The following CTNNA2 variants were observed in gnomAD, a reference collection of about 807,000 sequenced individuals.
The protein encoded by CTNNA2 is catenin alpha-2.
Under a neutral mutation model 101.0 loss-of-function variants are expected in CTNNA2, and 42 were observed. The ratio of observed to expected loss-of-function variants is 0.42; its 90% CI spans 0.32 to 0.54. The LOEUF is 0.54. CTNNA2 is among the 20% of genes least tolerant of loss of function. The pLI is 0.14. For missense variants in CTNNA2, 871 were observed against 1,223.1 expected, an observed-to-expected ratio of 0.71 and a Z score of 4.29; for synonymous variants, 450 against 456.4, an observed-to-expected ratio of 0.99 and a Z score of 0.18.
At chr2:80,363,036 C>G (rs1185504768) in intron 7 of CTNNA2, among the ~76,000 whole-genome samples, 1 of 148,796 alleles carries the variant, frequency 6.7e-6, no homozygotes, top group Non-Finnish European at 1.5e-5. Flanking sequence ...ACAGTAAATT[C>G]AAGCTGTTCT....
chr2:80,264,507 A>T (rs1672858156), intron 7 of CTNNA2, among the ~76,000 whole-genome samples: 1 of 152,150 alleles, frequency 6.6e-6, no homozygotes, highest in Non-Finnish European at 1.5e-5. Flanking sequence ...TGCATTATTC[A>T]TTGGTGAAAG....
At chr2:80,617,774 C>T (rs368367866) in intron 17 of CTNNA2, among the ~76,000 whole-genome samples, 58 of 151,786 alleles carry the variant, frequency 3.8e-4, no homozygotes, top group East Asian at 1.8e-3. Context: ...GTATTTAGTA[C>T]GCTAAGAATG....
chr2:79,822,342 C>T (rs1678079597), intron 3 of CTNNA2, among the ~76,000 whole-genome samples: 1 of 152,052 alleles, frequency 6.6e-6, no homozygotes, highest in Non-Finnish European at 1.5e-5. Flanking sequence ...TTTGTGCTGC[C>T]AAGTTAGTCC....
intron 4 of CTNNA2, among the ~76,000 whole-genome samples, chr2:79,380,832 C>T (rs1009241062): frequency 6.6e-6 from 1 of 152,128 alleles, no homozygotes; most frequent in Non-Finnish European, 1.5e-5. Context: ...TCTGCTATAA[C>T]ATTGCTGTAA....
chr2:80,545,121 C>T (rs754670636), intron 10 of CTNNA2, 47 bp downstream of exon 10: 3 of 1,567,818 alleles, frequency 1.9e-6, no homozygotes, highest in Admixed American at 3.4e-5. Flanking sequence ...TGACCTTCTC[C>T]ACTCCAGCCC....
chr2:80,307,945 C>G (rs1677184206), intron 7 of CTNNA2, among the ~76,000 whole-genome samples: 1 of 152,104 alleles, frequency 6.6e-6, no homozygotes, highest in Non-Finnish European at 1.5e-5. Flanking sequence ...AATCTGATGG[C>G]CAAACATAAT....
chr2:79,200,825 A>C (rs1674024388), intron 2 of CTNNA2, among the ~76,000 whole-genome samples: 1 of 152,198 alleles, frequency 6.6e-6, no homozygotes, highest in South Asian at 2.1e-4. Flanking sequence ...TGAAAAAAAA[A>C]ACTTTTTAAA....
At chr2:79,265,729 G>A (rs1031762408) in intron 2 of CTNNA2, among the ~76,000 whole-genome samples, 1 of 152,148 alleles carries the variant, frequency 6.6e-6, no homozygotes, top group Non-Finnish European at 1.5e-5. Flanking sequence ...TATTTCAGAA[G>A]TCATGACAAA....
At chr2:80,329,577 G>A (rs1671136693) in intron 7 of CTNNA2, among the ~76,000 whole-genome samples, 1 of 152,156 alleles carries the variant, frequency 6.6e-6, no homozygotes, top group Non-Finnish European at 1.5e-5. Context: ...AAACGGAAGG[G>A]CTGTGTTAGG....
At chr2:79,381,217 G>A (rs1678035511) in intron 4 of CTNNA2, among the ~76,000 whole-genome samples, 1 of 152,038 alleles carries the variant, frequency 6.6e-6, no homozygotes, top group Non-Finnish European at 1.5e-5. Flanking sequence ...CAGCCTTGAT[G>A]GTCACCCACT....
intron 7 of CTNNA2, among the ~76,000 whole-genome samples, chr2:80,167,041 T>C (rs967569689): frequency 2.0e-5 from 3 of 152,078 alleles, no homozygotes; most frequent in African/African-American, 7.2e-5. Flanking sequence ...ATTTCATTCT[T>C]CTTACACTTG....
At position 80,271,390 on chromosome 2, in the gene CTNNA2, A is replaced by T. The variant is rs541319881; in HGVS notation, c.1057-121821A>T. ...TTCCAGTCTTCCAGTCACAAATTATACCACATTGACCAAGCTTCTTTATCC... is the reference window on the plus strand; with the variant it reads ...TTCCAGTCTTCCAGTCACAAATTATTCCACATTGACCAAGCTTCTTTATCC... On this transcript the variant is annotated intron_variant, in intron 7 of 18. Transcript: ENST00000402739. 2.3e-4 allele frequency among the ~76,000 whole-genome samples: 34 copies of T among 150,990 alleles called. No homozygotes were observed. The South Asian group carries it at 6.3e-3, about 28-fold the overall frequency.
At chr2:79,697,217 A>G (rs1573711962) in intron 2 of CTNNA2, among the ~76,000 whole-genome samples, 1 of 152,060 alleles carries the variant, frequency 6.6e-6, no homozygotes, top group East Asian at 1.9e-4. Context: ...AAGTTTAATT[A>G]GAGTGTGAAA....
At chr2:79,350,073 C>CAAAA (rs59503765) in intron 3 of CTNNA2, among the ~76,000 whole-genome samples, 1 of 57,452 alleles carries the variant, frequency 1.7e-5, no homozygotes, top group Non-Finnish European at 3.3e-5. Context: ...GACTCCTTCT[C>CAAAA]AAAAAAAAAA....
intron 3 of CTNNA2, among the ~76,000 whole-genome samples, chr2:79,756,494 G>A (rs1042484694): frequency 6.6e-6 from 1 of 152,024 alleles, no homozygotes; most frequent in East Asian, 1.9e-4. Context: ...ATTAAACAGG[G>A]TGATGATTAT....
intron 2 of CTNNA2, among the ~76,000 whole-genome samples, chr2:79,652,636 C>A (rs1681341018): frequency 6.6e-6 from 1 of 152,074 alleles, no homozygotes. Flanking sequence ...AAAATCCTCC[C>A]ATCTCAAGAT....
intron 3 of CTNNA2, among the ~76,000 whole-genome samples, chr2:79,856,055 C>A (rs75721278): frequency 2.6e-4 from 40 of 152,196 alleles, no homozygotes; most frequent in African/African-American, 9.7e-4. Flanking sequence ...TAGGACCATA[C>A]ATCTTGAAAA....
chr2:79,421,970 T>G (rs1041090764), intron 4 of CTNNA2, among the ~76,000 whole-genome samples: 2 of 152,114 alleles, frequency 1.3e-5, no homozygotes, highest in Non-Finnish European at 2.9e-5. Flanking sequence ...CTGGCCAACA[T>G]GGTGAAATTC....
intron 1 of CTNNA2, among the ~76,000 whole-genome samples, chr2:79,566,786 G>C (rs548977724): frequency 2.7e-4 from 41 of 152,080 alleles, no homozygotes; most frequent in Admixed American, 7.2e-4. Flanking sequence ...TATGTGCCCG[G>C]TGTGATAATA....
Sources: gnomAD v4.1 joint callset for allele counts (sites outside exome capture counted in the v4.1 genomes callset) on GRCh38, gnomAD v4.1.1 for gene constraint, MANE v1.5 for transcripts, NCBI Gene and HGNC (gene_info 2026-07-23, HGNC 2026-07-21) for gene names.